The following MROH2B variants were observed in gnomAD, a reference collection of about 807,000 sequenced individuals.
The protein encoded by MROH2B is maestro heat like repeat family member 2B.
MROH2B carries 177 observed loss-of-function variants against 208.6 expected under a neutral mutation model. The ratio of observed to expected loss-of-function variants is 0.85; its 90% CI spans 0.75 to 0.96. MROH2B has a LOEUF of 0.96. Among genes scored for constraint, MROH2B ranks in the 40% least tolerant of loss-of-function variants. MROH2B has a pLI of 0.00. For missense variants in MROH2B, 2,002 were observed against 1,878.7 expected (o/e 1.07, Z -1.21); for synonymous variants, 728 against 659.0 (o/e 1.10, Z -1.60).
rs772887631 is a variant in MROH2B, at chr5:41,047,772, C to G, written c.1685-8G>C. 4 of 1,580,014 alleles carry G rather than the reference C, an allele frequency of 2.5e-6. No individual in the cohort carries two copies. The Admixed American group carries it at 7.2e-5, about 28-fold the overall frequency. The stretch of plus-strand genomic sequence containing the variant: ...CGGTACTGATGTTCTTTCCTAGAAA[C>G]AAAAATTGATGTAATAATCGCAAAA... On this transcript the variant is annotated splice_region_variant and splice_polypyrimidine_tract_variant and intron_variant, in intron 16 of 41. Coordinates refer to ENST00000399564, the MANE Select transcript of MROH2B (RefSeq NM_173489.5).
intron 34 of MROH2B, among the ~76,000 whole-genome samples, chr5:41,005,856 C>T (rs1030234081): frequency 1.3e-5 from 2 of 151,770 alleles, no homozygotes; most frequent in Non-Finnish European, 2.9e-5. Context: ...CATGGTGAAA[C>T]CCCGTATCTA....
chr5:41,027,312 A>G (rs938505987), intron 24 of MROH2B, among the ~76,000 whole-genome samples: 1 of 152,230 alleles, frequency 6.6e-6, no homozygotes, highest in African/African-American at 2.4e-5. Flanking sequence ...TAATATCCAG[A>G]ATCTACAATG....
chr5:41,057,246 G>C, intron 8 of MROH2B, 22 bp downstream of exon 8: 1 of 1,608,104 alleles, frequency 6.2e-7, no homozygotes, highest in Non-Finnish European at 8.5e-7. Flanking sequence ...AAAAATTGGA[G>C]TTGACAGCAT....
At position 41,061,574 on chromosome 5, in the gene MROH2B, A is replaced by G; in HGVS notation, c.611T>C (p.Met204Thr). 5 of 1,610,868 alleles carry G rather than the reference A, an allele frequency of 3.1e-6. No individual in the cohort carries two copies. The African/African-American group carries it at 5.3e-5, about 17-fold the overall frequency. Residue 204 changes from methionine (M) to threonine (T), a missense_variant, in exon 6 of 42, where the codon ATG becomes ACG. Physicochemically the swap from Met to Thr is moderately conservative, Grantham distance 81. Coordinates refer to ENST00000399564, the MANE Select transcript of MROH2B (RefSeq NM_173489.5). The part of the protein sequence containing the change: ...MEKWAPLASP[M>T]QTLSIVKAHG... Reference sequence around the variant, plus strand: ...GGCATCCTGAGGCCCACTCACCTGCATGGGTGAGGCCAAAGGGGCCCACTT... The same window carrying G: ...GGCATCCTGAGGCCCACTCACCTGCGTGGGTGAGGCCAAAGGGGCCCACTT...
chr5:41,038,536 C>A (rs1742836747), intron 21 of MROH2B, among the ~76,000 whole-genome samples, 200 bp downstream of exon 21: 1 of 152,186 alleles, frequency 6.6e-6, no homozygotes, highest in Non-Finnish European at 1.5e-5. Context: ...TGCAGCCATC[C>A]ATGTTGCTGC....
In MROH2B at chr5:41,057,225, C is replaced by A. The variant is rs777859595; in HGVS notation, c.849+43G>T. On this transcript the variant is annotated intron_variant, in intron 8 of 41. Coordinates refer to ENST00000399564, the MANE Select transcript of MROH2B (RefSeq NM_173489.5). ...GTGGTAGATGTTAAACACAGAAAACCGGTTGAAATTAAAAATTGGAGTTGA... is the reference window on the plus strand; with the variant it reads ...GTGGTAGATGTTAAACACAGAAAACAGGTTGAAATTAAAAATTGGAGTTGA... 3.7e-5 allele frequency: 59 copies of A among 1,611,182 alleles called. No homozygotes were observed. In the East Asian group the frequency reaches 1.2e-3, roughly 34 times the overall value.
chr5:41,061,542 A>T (rs1743638371), intron 6 of MROH2B, 28 bp downstream of exon 6: 3 of 1,581,464 alleles, frequency 1.9e-6, no homozygotes, highest in Non-Finnish European at 2.6e-6. Context: ...AGGGACATCC[A>T]GCTTGAGGCA....
chr5:41,029,575 C>T (rs1032861851), intron 24 of MROH2B, among the ~76,000 whole-genome samples: 3 of 151,978 alleles, frequency 2.0e-5, no homozygotes, highest in East Asian at 1.9e-4. Context: ...TATCCACATG[C>T]GAAAGAATTA....
intron 5 of MROH2B, among the ~76,000 whole-genome samples, chr5:41,062,140 AG>A (rs1743661663): frequency 6.6e-6 from 1 of 151,950 alleles, no homozygotes; most frequent in Non-Finnish European, 1.5e-5. Context: ...GAGCACTAAA[AG>A]TTTGTACAAG....
chr5:41,040,107 C>A (rs1742896987), intron 19 of MROH2B, among the ~76,000 whole-genome samples: 1 of 152,142 alleles, frequency 6.6e-6, no homozygotes. Flanking sequence ...AGGCCGTCCC[C>A]AAGATTTTGG....
chr5:41,047,877 G>T, intron 16 of MROH2B, 113 bp from the exon 17 acceptor site: 2 of 859,934 alleles, frequency 2.3e-6, no homozygotes, highest in Non-Finnish European at 3.7e-6. Flanking sequence ...CTTTCTTTTT[G>T]CTCATAATGC....
intron 6 of MROH2B, among the ~76,000 whole-genome samples, chr5:41,060,236 G>T (rs1214784616): frequency 1.3e-5 from 2 of 152,036 alleles, no homozygotes; most frequent in African/African-American, 4.8e-5. Context: ...CTTATGAGCT[G>T]GAATATTTCT....
At chr5:41,058,721 G>A (rs1431250080) in intron 6 of MROH2B, among the ~76,000 whole-genome samples, 6 of 151,826 alleles carry the variant, frequency 4.0e-5, no homozygotes, top group Non-Finnish European at 1.5e-5. Flanking sequence ...CTTTCTTTTA[G>A]TATATTAAGC....
At chr5:41,064,337 G>A (rs1579961439) in intron 5 of MROH2B, 135 bp downstream of exon 5, 2 of 651,092 alleles carry the variant, frequency 3.1e-6, no homozygotes, top group East Asian at 2.8e-5. Flanking sequence ...CATGTGGTAG[G>A]CACTCAATAA....
intron 4 of MROH2B, among the ~76,000 whole-genome samples, chr5:41,064,949 T>C (rs149153997): frequency 2.0e-5 from 3 of 152,338 alleles, no homozygotes; most frequent in Admixed American, 1.3e-4. Flanking sequence ...CCAAAGTATA[T>C]GTAAACATAT....
intron 19 of MROH2B, among the ~76,000 whole-genome samples, chr5:41,041,815 T>C (rs1053656276): frequency 6.6e-6 from 1 of 152,228 alleles, no homozygotes; most frequent in African/African-American, 2.4e-5. Context: ...ATCATTTTGA[T>C]GCTCACAATC....
At chr5:41,049,501 A>T in intron 13 of MROH2B, 65 bp from the exon 14 acceptor site, 2 of 1,520,260 alleles carry the variant, frequency 1.3e-6, no homozygotes, top group Non-Finnish European at 1.8e-6. Flanking sequence ...CCTGGTCCTC[A>T]CTGCATGTTT....
rs148943550 is a variant in MROH2B at position 41,026,802 on chromosome 5, A to G, written c.2441+5940T>C. On this transcript the variant is annotated intron_variant, in intron 24 of 41. Transcript: ENST00000399564. ...ACTTTAAACTACACTACAAGGCTAC[A>G]GTGACCAAAACAGCATGGTACTCAT... is the stretch of plus-strand genomic sequence containing the variant. Among the ~76,000 whole-genome samples the G allele has an allele frequency of 1.5e-3, 221 of 152,350 alleles. 6 individuals are homozygous for G. In the East Asian group the frequency reaches 0.038, roughly 26 times the overall value.
intron 28 of MROH2B, among the ~76,000 whole-genome samples, chr5:41,016,882 T>C (rs1215648334): frequency 6.6e-6 from 1 of 152,074 alleles, no homozygotes; most frequent in Non-Finnish European, 1.5e-5. Context: ...CAAAGGACTT[T>C]TGTACCTACT....
Sources: allele counts gnomAD v4.1 joint callset (sites outside exome capture counted in the v4.1 genomes callset), GRCh38; gene constraint gnomAD v4.1.1; transcripts MANE v1.5; gene names NCBI Gene and HGNC (gene_info 2026-07-23, HGNC 2026-07-21).